The following NEO1 variants were observed in gnomAD, a reference collection of about 807,000 sequenced individuals.
The protein encoded by NEO1 is neogenin 1.
NEO1 carries 63 observed loss-of-function variants against 159.7 expected under a neutral mutation model. The observed-to-expected ratio is 0.39, with a 90% CI of 0.32 to 0.49. The LOEUF is 0.49. NEO1 is among the 20% of genes least tolerant of loss of function. The probability of loss-of-function intolerance (pLI) is 0.85; values close to 1 mark genes in which losing one functional copy is unlikely to be tolerated. For synonymous variants in NEO1, 633 were observed against 662.0 expected (o/e 0.96, Z 0.67); for missense variants, 1,615 against 1,831.0 (o/e 0.88, Z 2.15).
At position 73,135,732 on chromosome 15, in the gene NEO1, A is replaced by C. The variant is rs148324005; in HGVS notation, c.879-159A>C. 2.4e-3 allele frequency among the ~76,000 whole-genome samples: 371 copies of C among 152,258 alleles called. 1 individual carries two copies. The highest frequency in any genetic ancestry group is 8.5e-3 in the African/African-American group (353 of 41,544). ...AATATGAGCAAAGCAAATTGGACTA[A>C]ATTAAATTCTGGTAATTTTATATTA... On this transcript the variant is annotated intron_variant, in intron 4 of 28. Transcript: ENST00000261908.
At chr15:73,268,065 A>AT (rs1436347307) in intron 16 of NEO1, among the ~76,000 whole-genome samples, 1 of 152,234 alleles carries the variant, frequency 6.6e-6, no homozygotes. Flanking sequence ...TACTGCCATT[A>AT]GACCCAGAAC....
At chr15:73,292,191 G>A (rs1324989284) in intron 25 of NEO1, among the ~76,000 whole-genome samples, 1 of 152,174 alleles carries the variant, frequency 6.6e-6, no homozygotes, top group Non-Finnish European at 1.5e-5. Context: ...GCCAGGACAA[G>A]GGATAGCTGG....
At chr15:73,264,676 C>T (rs951554319) in intron 15 of NEO1, among the ~76,000 whole-genome samples, 2 of 152,130 alleles carry the variant, frequency 1.3e-5, no homozygotes, top group African/African-American at 2.4e-5. Context: ...AGCAATTCAT[C>T]TATTCATCAT....
At chr15:73,173,979 A>G (rs984718394) in intron 5 of NEO1, among the ~76,000 whole-genome samples, 9 of 151,946 alleles carry the variant, frequency 5.9e-5, no homozygotes, top group Non-Finnish European at 1.2e-4. Flanking sequence ...GCACGTCTGT[A>G]ATCCCGGCTA....
intron 8 of NEO1, among the ~76,000 whole-genome samples, chr15:73,239,171 T>C (rs2039362813): frequency 6.6e-6 from 1 of 152,186 alleles, no homozygotes; most frequent in Non-Finnish European, 1.5e-5. Flanking sequence ...TCTATAAAGC[T>C]GGCAAAAATT....
intron 1 of NEO1, among the ~76,000 whole-genome samples, chr15:73,103,021 G>T (rs554081130): frequency 2.0e-5 from 3 of 151,902 alleles, no homozygotes; most frequent in East Asian, 1.9e-4. Flanking sequence ...CCTTACTTTC[G>T]CATTTATTCA....
At position 73,249,289 on chromosome 15, in the gene NEO1, A is replaced by C; in HGVS notation, c.1755+81A>C. Reference sequence around the variant, plus strand: ...ATTTCCAAAACTCAGTAGTTGCTTGACTGGAAATGTGAGGGGGAAAAAGAA... The same window carrying C: ...ATTTCCAAAACTCAGTAGTTGCTTGCCTGGAAATGTGAGGGGGAAAAAGAA... On this transcript the variant is annotated intron_variant, in intron 10 of 28. Coordinates refer to ENST00000261908, the MANE Select transcript of NEO1 (RefSeq NM_002499.4). 4.2e-6 allele frequency: 6 copies of C among 1,435,064 alleles called. No individual in the cohort carries two copies. In the African/African-American group the frequency reaches 5.6e-5, roughly 14 times the overall value. The allele number at this position is 1,435,064 out of a possible 1,614,324, so 88.9% of individuals were successfully genotyped here. A position where few individuals can be genotyped will look rare whatever the true frequency, so the allele number is the denominator to read the frequency against.
At chr15:73,206,267 T>C (rs1160768160) in intron 7 of NEO1, among the ~76,000 whole-genome samples, 4 of 152,210 alleles carry the variant, frequency 2.6e-5, no homozygotes, top group African/African-American at 9.6e-5. Context: ...TTGATATCTC[T>C]TGAAGTTTTC....
intron 1 of NEO1, among the ~76,000 whole-genome samples, chr15:73,102,761 A>C (rs1000166397): frequency 6.6e-6 from 1 of 151,920 alleles, no homozygotes; most frequent in South Asian, 2.1e-4. Context: ...CAGATTTTAC[A>C]TTTCTCTGCC....
At chr15:73,096,246 T>C (rs2070025920) in intron 1 of NEO1, among the ~76,000 whole-genome samples, 1 of 152,156 alleles carries the variant, frequency 6.6e-6, no homozygotes, top group South Asian at 2.1e-4. Context: ...TACACAATTA[T>C]GACTGAAGAA....
chr15:73,128,355 G>A (rs575791332), intron 4 of NEO1, among the ~76,000 whole-genome samples: 1 of 151,892 alleles, frequency 6.6e-6, no homozygotes, highest in South Asian at 2.1e-4. Flanking sequence ...ATCTTTATCA[G>A]GAGTAGGAAG....
At chr15:73,076,756 C>T (rs1305012102) in intron 1 of NEO1, among the ~76,000 whole-genome samples, 2 of 152,184 alleles carry the variant, frequency 1.3e-5, no homozygotes, top group South Asian at 2.1e-4. Context: ...ATCTTTCTCA[C>T]ATTTATTTTG....
At chr15:73,064,345 C>T (rs1215463845) in intron 1 of NEO1, among the ~76,000 whole-genome samples, 2 of 152,120 alleles carry the variant, frequency 1.3e-5, no homozygotes, top group African/African-American at 2.4e-5. Flanking sequence ...GGTAGAATGG[C>T]TTGTTCTATT....
intron 7 of NEO1, among the ~76,000 whole-genome samples, chr15:73,194,565 C>T (rs939212276): frequency 2.0e-5 from 3 of 152,052 alleles, no homozygotes; most frequent in Non-Finnish European, 2.9e-5. Context: ...GGAAACTAAC[C>T]GAGTAAGAAC....
intron 7 of NEO1, among the ~76,000 whole-genome samples, chr15:73,220,019 C>T (rs186045257): frequency 0.014 from 2,069 of 152,046 alleles, 18 homozygotes; most frequent in South Asian, 0.018. Flanking sequence ...TTCCTAGTCT[C>T]GATGGTCTTT....
At chr15:73,158,385 G>C (rs149447125) in intron 5 of NEO1, among the ~76,000 whole-genome samples, 2 of 151,710 alleles carry the variant, frequency 1.3e-5, no homozygotes, top group Non-Finnish European at 2.9e-5. Flanking sequence ...TTGTAGCCAG[G>C]TGTGTGTGTA....
At chr15:73,176,343 A>T in intron 5 of NEO1, 60 bp from the exon 6 acceptor site, 1 of 1,141,568 alleles carries the variant, frequency 8.8e-7, no homozygotes, top group Non-Finnish European at 1.2e-6. Flanking sequence ...ATTGGTTGAA[A>T]TATGAATAGC....
At chr15:73,215,325 A>C (rs2037813907) in intron 7 of NEO1, among the ~76,000 whole-genome samples, 2 of 152,156 alleles carry the variant, frequency 1.3e-5, no homozygotes, top group African/African-American at 4.8e-5. Context: ...GTTGAAAAGA[A>C]GTGGTGAGAG....
In NEO1 at chr15:73,254,840, G is replaced by A. The variant is rs532737462; in HGVS notation, c.2092+11G>A. 29 of 1,609,686 alleles carry A rather than the reference G, an allele frequency of 1.8e-5. No individual in the cohort carries two copies. Among genetic ancestry groups the A allele is most frequent in the South Asian group, 6.6e-5 (6 of 90,266 alleles). ...CTCAGCTGATTGAAGGTAAGCTACCGTGCACAAAGGCAAAAGGTACACTGT... is the reference window on the plus strand; with the variant it reads ...CTCAGCTGATTGAAGGTAAGCTACCATGCACAAAGGCAAAAGGTACACTGT... On this transcript the variant is annotated intron_variant, in intron 13 of 28. Transcript: ENST00000261908.
Sources: gnomAD v4.1 joint callset for allele counts (sites outside exome capture counted in the v4.1 genomes callset) on GRCh38, gnomAD v4.1.1 for gene constraint, MANE v1.5 for transcripts, NCBI Gene and HGNC (gene_info 2026-07-23, HGNC 2026-07-21) for gene names.